Variants in FCN2 observed in about 807,000 individuals in gnomAD.
FCN2 encodes the protein ficolin 2, also known as ficolin-2.
A neutral mutation model predicts 32.5 loss-of-function variants in FCN2; 31 were observed. That is an observed-to-expected ratio of 0.96 (90% CI 0.72 to 1.29). The LOEUF (loss-of-function observed/expected upper bound fraction) is 1.29, where lower values mean the gene tolerates loss of function less well. FCN2 is among the 50% of genes most tolerant of loss of function. FCN2 has a pLI of 0.00. For synonymous variants in FCN2, 181 were observed against 164.5 expected (o/e 1.10, Z -0.77); for missense variants, 412 against 406.5 (o/e 1.01, Z -0.12).
upstream of FCN2, among the ~76,000 whole-genome samples, chr9:134,878,727 C>T (rs568521065): frequency 1.3e-5 from 2 of 152,166 alleles, no homozygotes; most frequent in South Asian, 2.1e-4. Context: ...CCTGTAATTC[C>T]AGCTACTCGG....
At chr9:134,878,218 CT>C (rs1232437749), upstream of FCN2, among the ~76,000 whole-genome samples, 2 of 152,164 alleles carry the variant, frequency 1.3e-5, no homozygotes, top group Admixed American at 1.3e-4. Flanking sequence ...TTATATATGC[CT>C]ATCCTATTAG....
chr9:134,879,427 G>A (rs557755415), upstream of FCN2, among the ~76,000 whole-genome samples: 1 of 152,146 alleles, frequency 6.6e-6, no homozygotes, highest in Non-Finnish European at 1.5e-5. Context: ...TGCAGTAAAG[G>A]AACCTGCCTA....
intron 6 of FCN2, 21 bp downstream of exon 6, chr9:134,885,918 TG>T: frequency 1.9e-6 from 3 of 1,596,514 alleles, no homozygotes; most frequent in Non-Finnish European, 2.6e-6. Flanking sequence ...TGCTGGGGCT[TG>T]GGGGTCGGGG....
upstream of FCN2, chr9:134,880,664 G>A: frequency 1.5e-6 from 1 of 676,618 alleles, no homozygotes; most frequent in Admixed American, 2.1e-5. Flanking sequence ...GGGGTAGGGA[G>A]CAGCCCTGGA....
upstream of FCN2, among the ~76,000 whole-genome samples, chr9:134,877,230 G>T (rs1830611923): frequency 1.3e-5 from 2 of 152,154 alleles, no homozygotes; most frequent in African/African-American, 2.4e-5. Flanking sequence ...GGAAGCAGAG[G>T]CTGTTGACCT....
chr9:134,865,577 T>A, the FCN2 span, among the ~76,000 whole-genome samples: 1 of 151,976 alleles, frequency 6.6e-6, no homozygotes, highest in African/African-American at 2.4e-5. Context: ...ATGAGAAAAA[T>A]TAAGCAAATA....
chr9:134,880,778 C>A (rs772097934), upstream of FCN2: 14 of 1,483,054 alleles, frequency 9.4e-6, 1 homozygote, highest in South Asian at 1.5e-4. Context: ...GCTTCTCTAG[C>A]CCTATAAGAG....
chr9:134,868,266 A>C, the FCN2 span: 1 of 152,272 alleles, frequency 6.6e-6, no homozygotes, highest in African/African-American at 2.4e-5. This position sits in a 1 kb window ranked among gnomAD's most constrained non-coding sequence, Gnocchi z 4.3. Flanking sequence ...CCCCTTCTCC[A>C]CCGAAGACCA....
At chr9:134,882,251 A>G (rs1830674540) in intron 1 of FCN2, among the ~76,000 whole-genome samples, 1 of 152,230 alleles carries the variant, frequency 6.6e-6, no homozygotes, top group Non-Finnish European at 1.5e-5. Flanking sequence ...GTTTGCCTTC[A>G]GGCAGGGTAG....
At chr9:134,869,757 G>A in the FCN2 span, among the ~76,000 whole-genome samples, 1 of 152,340 alleles carries the variant, frequency 6.6e-6, no homozygotes, top group South Asian at 2.1e-4. Flanking sequence ...GAGGGGCTGA[G>A]GCTCACAGGA....
At chr9:134,869,612 G>T in the FCN2 span, among the ~76,000 whole-genome samples, 51 of 152,348 alleles carry the variant, frequency 3.3e-4, 1 homozygote, top group East Asian at 9.7e-3. Context: ...TCTCTCCGAG[G>T]CTTCCTTCTG....
intron 3 of FCN2, among the ~76,000 whole-genome samples, chr9:134,884,049 C>T (rs1830707378): frequency 6.6e-6 from 1 of 151,820 alleles, no homozygotes; most frequent in African/African-American, 2.4e-5. Context: ...AGCATGAGGC[C>T]CTGTCTTGTC....
At chr9:134,885,960 G>A (rs1417889422) in intron 6 of FCN2, 63 bp downstream of exon 6, 2 of 1,510,108 alleles carry the variant, frequency 1.3e-6, no homozygotes, top group Non-Finnish European at 9.0e-7. Context: ...TGCCTCTTGG[G>A]CCTGGGCTGC....
At chr9:134,876,884 G>T (rs6537956), upstream of FCN2, among the ~76,000 whole-genome samples, 92,787 of 131,196 alleles carry the variant, frequency 0.71, 29,303 homozygotes, top group East Asian at 0.91. Context: ...GTTTGACTTA[G>T]GTATTTCTTG....
At chr9:134,877,723 C>T (rs1013722714), upstream of FCN2, among the ~76,000 whole-genome samples, 1 of 151,666 alleles carries the variant, frequency 6.6e-6, no homozygotes, top group Admixed American at 6.5e-5. Context: ...CCTGCCTGGT[C>T]TGTCTCCTGT....
At chr9:134,871,373 T>TG in the FCN2 span, among the ~76,000 whole-genome samples, 1 of 152,282 alleles carries the variant, frequency 6.6e-6, no homozygotes, top group South Asian at 2.1e-4. Flanking sequence ...GACAGTTGGA[T>TG]GGGGGGCTCA....
chr9:134,885,661 T>C, intron 5 of FCN2, 107 bp from the exon 6 acceptor site: 1 of 1,500,136 alleles, frequency 6.7e-7, no homozygotes, highest in Non-Finnish European at 9.2e-7. Context: ...TGACCCCGCC[T>C]GTGATGCTCT....
At chr9:134,885,713 T>C (rs1830741205) in intron 5 of FCN2, 55 bp from the exon 6 acceptor site, 3 of 1,611,608 alleles carry the variant, frequency 1.9e-6, no homozygotes, top group East Asian at 2.2e-5. Context: ...GGGTCCCCCG[T>C]GCTGTGGGAC....
chr9:134,886,700 A>G (rs1343689773), intron 7 of FCN2, 136 bp downstream of exon 7: 3 of 949,814 alleles, frequency 3.2e-6, no homozygotes, highest in African/African-American at 1.6e-5. Context: ...CTCTACATGC[A>G]GACACTAACA....
Sources: allele counts gnomAD v4.1 joint callset (sites outside exome capture counted in the v4.1 genomes callset), GRCh38; gene constraint gnomAD v4.1.1; non-coding constraint Gnocchi (gnomAD v3.1); transcripts MANE v1.5; gene names NCBI Gene and HGNC (gene_info 2026-07-23, HGNC 2026-07-21).